The following KLHL28 variants were observed in gnomAD, a reference collection of about 807,000 sequenced individuals.
KLHL28 encodes kelch-like protein 28.
A neutral mutation model predicts 48.3 loss-of-function variants in KLHL28; 22 were observed. The observed-to-expected ratio is 0.46, with a 90% confidence interval of 0.33 to 0.65. The LOEUF (loss-of-function observed/expected upper bound fraction) is 0.65, where lower values mean the gene tolerates loss of function less well. Ranked by LOEUF, KLHL28 falls within the 30% of genes least tolerant of loss-of-function variation. The pLI is 0.03. For missense variants in KLHL28, 527 were observed against 704.3 expected (o/e 0.75, Z 2.85); for synonymous variants, 243 against 242.4 (o/e 1.00, Z -0.02).
chr14:44,925,080 AG>A lies in KLHL28; in HGVS notation c.*3947del, dbSNP rs1883333259. On this transcript the variant is annotated 3_prime_UTR_variant, in exon 5 of 5. Coordinates refer to ENST00000396128, the MANE Select transcript of KLHL28 (RefSeq NM_017658.5). ...TGTCTAATTAAAGTGCTGTTTACAA[AG>A]GGAAAAAAGGTTAAGAAGTAGAACT... The A allele has an allele frequency of 6.6e-6, 1 of 152,600 alleles. No homozygotes were observed. The allele number at this position is 152,600 out of a possible 1,614,324, so 9.5% of individuals were successfully genotyped here. A position where few individuals can be genotyped will look rare whatever the true frequency, so the allele number is the denominator to read the frequency against.
chr14:44,941,184 C>G (rs1382091060), intron 2 of KLHL28, among the ~76,000 whole-genome samples: 2 of 152,144 alleles, frequency 1.3e-5, no homozygotes, highest in Non-Finnish European at 2.9e-5. Flanking sequence ...AACAAAACTT[C>G]CCCTGATGCT....
At chr14:44,941,594 C>T (rs1182267002) in intron 2 of KLHL28, among the ~76,000 whole-genome samples, 1 of 147,954 alleles carries the variant, frequency 6.8e-6, no homozygotes, top group African/African-American at 2.5e-5. Flanking sequence ...CGCCACTGCA[C>T]TCCAGCCTGG....
At chr14:44,948,687 A>G (rs1419605011) in intron 1 of KLHL28, among the ~76,000 whole-genome samples, 1 of 151,832 alleles carries the variant, frequency 6.6e-6, no homozygotes, top group Non-Finnish European at 1.5e-5. Flanking sequence ...ATGACCTTTT[A>G]CTCTTATGAT....
intron 1 of KLHL28, among the ~76,000 whole-genome samples, chr14:44,956,184 C>G (rs948344499): frequency 7.2e-5 from 11 of 152,126 alleles, no homozygotes; most frequent in African/African-American, 2.4e-4. Flanking sequence ...TAGTCTCAAT[C>G]TCCTGGTCTT....
At chr14:44,954,376 T>G (rs1884710523) in intron 1 of KLHL28, among the ~76,000 whole-genome samples, 1 of 152,212 alleles carries the variant, frequency 6.6e-6, no homozygotes. Flanking sequence ...AATAATATAC[T>G]CATGTTTCTT....
At position 44,934,318 on chromosome 14, in the gene KLHL28, T is replaced by C; in HGVS notation, c.1140A>G (p.Gly380=). ...AAAGTTCTCCTGCAAGTACTACTACTCCAAGAGTACTTCGGCTTTCATTCA... is the reference window on the plus strand; with the variant it reads ...AAAGTTCTCCTGCAAGTACTACTACCCCAAGAGTACTTCGGCTTTCATTCA... ...ERMNESRSTL[G]VVVLAGELYA... Residue 380 remains glycine, a synonymous_variant, in exon 3 of 5, where the codon GGA becomes GGG. Transcript: ENST00000396128. The C allele has an allele frequency of 6.2e-7, 1 of 1,614,008 alleles. No individual in the cohort carries two copies. Among genetic ancestry groups the C allele is most frequent in the Non-Finnish European group, 8.5e-7 (1 of 1,179,832 alleles).
chr14:44,945,277 C>T lies in KLHL28; in HGVS notation c.652G>A (p.Ala218Thr). 6.2e-7 allele frequency: 1 copy of T among 1,614,090 alleles called. No homozygotes were observed. The highest frequency in any genetic ancestry group is 8.5e-7 in the Non-Finnish European group (1 of 1,179,996). ...AATCGTACACTGTTTAGTAACTGTG[C>T]TAAGTATTTCTGGCGTTCTTGTACA... Reference protein sequence around the residue: ...YDVQERQKYLAQLLNSVRLPL... With the variant: ...YDVQERQKYLTQLLNSVRLPL... The change falls in exon 2 of 5, where the codon GCA (alanine) becomes ACA (threonine). Residue 218 changes from alanine (A) to threonine (T), a missense_variant. Ala to Thr is a moderately conservative substitution (Grantham distance 58). Coordinates refer to ENST00000396128, the MANE Select transcript of KLHL28 (RefSeq NM_017658.5).
intron 2 of KLHL28, among the ~76,000 whole-genome samples, chr14:44,937,912 C>T (rs965252781): frequency 6.6e-5 from 10 of 152,212 alleles, no homozygotes; most frequent in African/African-American, 2.4e-4. Context: ...GTATTAACCC[C>T]TTCAAGAGGG....
At chr14:44,930,050 G>T (rs73334118) in intron 4 of KLHL28, among the ~76,000 whole-genome samples, 9,082 of 151,786 alleles carry the variant, frequency 0.06, 889 homozygotes, top group African/African-American at 0.2. Flanking sequence ...TTCTACTTTA[G>T]ATATTATCTT....
At chr14:44,941,725 A>T (rs1365837942) in intron 2 of KLHL28, among the ~76,000 whole-genome samples, 1 of 151,642 alleles carries the variant, frequency 6.6e-6, no homozygotes, top group East Asian at 1.9e-4. Flanking sequence ...TTCCATTTTT[A>T]TCTTTCTGGA....
rs151066226 is a variant in KLHL28, at chr14:44,933,389, C to T, written c.1343+726G>A. ...GTAGTAGTGCATTCAAGGCTCACTG[C>T]AGCCTCAACCTCCTGGGCTCAAGCA... On this transcript the variant is annotated intron_variant, in intron 3 of 4. Transcript: ENST00000396128. Among the ~76,000 whole-genome samples the T allele has an allele frequency of 3.8e-3, 581 of 151,290 alleles. 3 individuals are homozygous for T. The highest frequency in any genetic ancestry group is 6.7e-3 in the Non-Finnish European group (454 of 67,878).
In KLHL28 at chr14:44,926,670, C is replaced by G. The variant is rs952447280; in HGVS notation, c.*2358G>C. The G allele has an allele frequency of 1.3e-5, 2 of 152,106 alleles. No individual in the cohort carries two copies. The highest frequency in any genetic ancestry group is 2.9e-5 in the Non-Finnish European group (2 of 68,096). The allele number at this position is 152,106 out of a possible 1,614,324, so 9.4% of individuals were successfully genotyped here. On this transcript the variant is annotated 3_prime_UTR_variant, in exon 5 of 5. Coordinates refer to ENST00000396128, the MANE Select transcript of KLHL28 (RefSeq NM_017658.5). ...TACAGGTACCTGCCACAATGCCCAG[C>G]TAATTTTTTGTATTTTTAGTAGAGA...
rs573452511 is a variant in KLHL28 at position 44,925,518 on chromosome 14, G to A, written c.*3510C>T. ...AACTAGGTCTCTAATCACTTCTTAC[G>A]ATGTCAGAGATAAGGAATTAGATTC... On this transcript the variant is annotated 3_prime_UTR_variant, in exon 5 of 5. Transcript: ENST00000396128. 4 of 152,078 alleles carry A rather than the reference G, an allele frequency of 2.6e-5. No individual in the cohort carries two copies. The East Asian group carries it at 5.8e-4, about 22-fold the overall frequency. 9.4% of individuals were successfully genotyped at this position (152,078 alleles called of 1,614,324 possible). A position where few individuals can be genotyped will look rare whatever the true frequency, so the allele number is the denominator to read the frequency against.
intron 1 of KLHL28, among the ~76,000 whole-genome samples, chr14:44,952,382 C>A (rs1339107312): frequency 2.6e-5 from 4 of 152,130 alleles, no homozygotes; most frequent in African/African-American, 4.8e-5. Context: ...CTACATAGGG[C>A]AGTGGGGTTG....
rs368301682 is a variant in KLHL28, at chr14:44,926,438, T to G, written c.*2590A>C. On this transcript the variant is annotated 3_prime_UTR_variant, in exon 5 of 5. Transcript: ENST00000396128. ...ACCAAATGATTATACACTAATTTGA[T>G]AGTGGAGATGATACATGAGTAAAAT... The G allele has an allele frequency of 7.2e-5, 11 of 152,146 alleles. No individual in the cohort carries two copies. The highest frequency in any genetic ancestry group is 5.2e-4 in the Admixed American group (8 of 15,278). 9.4% of individuals were successfully genotyped at this position (152,146 alleles called of 1,614,324 possible). A position where few individuals can be genotyped will look rare whatever the true frequency, so the allele number is the denominator to read the frequency against.
rs1364136774 is a variant in KLHL28, at chr14:44,928,971, C to G, written c.*57G>C. On this transcript the variant is annotated 3_prime_UTR_variant, in exon 5 of 5. Coordinates refer to ENST00000396128, the MANE Select transcript of KLHL28 (RefSeq NM_017658.5). The stretch of plus-strand genomic sequence containing the variant: ...GTGGGTTTCAGAAAACTGGGCCATC[C>G]GGATGTTCATGCAGTACAAGTTTCA... 1 of 1,520,376 alleles carries G rather than the reference C, an allele frequency of 6.6e-7. No homozygotes were observed. The allele number at this position is 1,520,376 out of a possible 1,614,324, so 94.2% of individuals were successfully genotyped here. A position where few individuals can be genotyped will look rare whatever the true frequency, so the allele number is the denominator to read the frequency against.
intron 1 of KLHL28, among the ~76,000 whole-genome samples, chr14:44,959,942 A>G (rs1227266753): frequency 6.6e-6 from 1 of 152,200 alleles, no homozygotes; most frequent in Non-Finnish European, 1.5e-5. Flanking sequence ...CTTCGTAATA[A>G]AAAGAATACA....
Position 44,926,988 on chromosome 14 carries a change from G to A in KLHL28, c.*2040C>T, listed in dbSNP as rs1026652697. The A allele has an allele frequency of 6.6e-6, 1 of 152,470 alleles. No individual in the cohort carries two copies. Among genetic ancestry groups the A allele is most frequent in the Admixed American group, 6.5e-5 (1 of 15,268 alleles). 9.4% of individuals were successfully genotyped at this position (152,470 alleles called of 1,614,324 possible). On this transcript the variant is annotated 3_prime_UTR_variant, in exon 5 of 5. Transcript: ENST00000396128. Reference sequence around the variant, plus strand: ...CTGCTTTTCTTTAAATAAAGTCTGGGCCAACTACAATAGTGCACCTATTTC... The same window carrying A: ...CTGCTTTTCTTTAAATAAAGTCTGGACCAACTACAATAGTGCACCTATTTC...
chr14:44,944,931 A>T, intron 2 of KLHL28, 99 bp downstream of exon 2: 1 of 933,970 alleles, frequency 1.1e-6, no homozygotes, highest in East Asian at 2.5e-5. Flanking sequence ...AAGAAAAGTA[A>T]AAAGGAAAAT....
Sources: gnomAD v4.1 joint callset for allele counts (sites outside exome capture counted in the v4.1 genomes callset) on GRCh38, gnomAD v4.1.1 for gene constraint, MANE v1.5 for transcripts, NCBI Gene and HGNC (gene_info 2026-07-23, HGNC 2026-07-21) for gene names.